Variants in ATP6V1H observed in about 807,000 individuals in gnomAD.
ATP6V1H encodes V-type proton ATPase subunit H.
Under a neutral mutation model 71.7 loss-of-function variants are expected in ATP6V1H, and 39 were observed. The ratio of observed to expected loss-of-function variants is 0.54; its 90% confidence interval spans 0.42 to 0.71. ATP6V1H has a LOEUF of 0.71. Ranked by LOEUF, ATP6V1H falls within the 30% of genes least tolerant of loss-of-function variation. ATP6V1H has a pLI of 0.00. For synonymous variants in ATP6V1H, 192 were observed against 199.3 expected, an observed-to-expected ratio of 0.96 and a Z score of 0.31; for missense variants, 509 against 594.9, an observed-to-expected ratio of 0.86 and a Z score of 1.50.
At chr8:53,717,208 T>C (rs1385628865) in intron 13 of ATP6V1H, among the ~76,000 whole-genome samples, 1 of 152,176 alleles carries the variant, frequency 6.6e-6, no homozygotes, top group African/African-American at 2.4e-5. Context: ...CCTGAGCTGC[T>C]CTCCCCCTGC....
intron 13 of ATP6V1H, among the ~76,000 whole-genome samples, chr8:53,738,312 T>C (rs879937683): frequency 1.5e-5 from 2 of 135,370 alleles, no homozygotes; most frequent in Non-Finnish European, 3.0e-5. Context: ...AAAAAAAAAA[T>C]GCGTGCACGT....
intron 1 of ATP6V1H, chr8:53,842,770 C>T (rs1181072783): frequency 6.6e-6 from 1 of 152,452 alleles, no homozygotes; most frequent in East Asian, 1.9e-4. Flanking sequence ...TGGCCCAGTC[C>T]TGGAGAAGGT....
chr8:53,743,502 G>A, intron 13 of ATP6V1H, 75 bp downstream of exon 13: 2 of 1,018,672 alleles, frequency 2.0e-6, no homozygotes, highest in Non-Finnish European at 3.0e-6. Context: ...CAAAGCATTT[G>A]CATAAGAACT....
chr8:53,726,962 C>A (rs535181718), intron 13 of ATP6V1H, among the ~76,000 whole-genome samples: 1 of 152,232 alleles, frequency 6.6e-6, no homozygotes, highest in African/African-American at 2.4e-5. Context: ...AACACTTATT[C>A]GGCATGAATT....
chr8:53,732,587 TAG>T (rs1807059556), intron 13 of ATP6V1H, among the ~76,000 whole-genome samples: 1 of 151,034 alleles, frequency 6.6e-6, no homozygotes. Context: ...CAAATTCCTT[TAG>T]AGTGACTCAT....
chr8:53,721,382 A>C (rs1002928910), intron 13 of ATP6V1H, among the ~76,000 whole-genome samples: 2 of 152,218 alleles, frequency 1.3e-5, no homozygotes, highest in East Asian at 1.9e-4. Flanking sequence ...TTCCAAGAGT[A>C]AGTACTATAT....
chr8:53,800,302 T>C (rs1646783895), intron 8 of ATP6V1H, among the ~76,000 whole-genome samples: 1 of 152,218 alleles, frequency 6.6e-6, no homozygotes, highest in Non-Finnish European at 1.5e-5. Flanking sequence ...TAGAACTATA[T>C]GCTATGTCTG....
At chr8:53,817,273 C>G in intron 5 of ATP6V1H, 144 bp downstream of exon 5, 1 of 412,520 alleles carries the variant, frequency 2.4e-6, no homozygotes, top group South Asian at 5.8e-5. Context: ...TGCAGTGGCT[C>G]ACACCTGTAA....
chr8:53,776,251 C>T (rs984688195), intron 9 of ATP6V1H, among the ~76,000 whole-genome samples: 4 of 152,196 alleles, frequency 2.6e-5, no homozygotes, highest in South Asian at 2.1e-4. Flanking sequence ...AAGCGCCGCA[C>T]GCAGCCCTAG....
In ATP6V1H at chr8:53,795,705, T is replaced by G. The variant is rs1185885042; in HGVS notation, c.812A>C (p.Asp271Ala). 1 of 1,613,788 alleles carries G rather than the reference T, an allele frequency of 6.2e-7. No homozygotes were observed. Among genetic ancestry groups the G allele is most frequent in the African/African-American group, 1.3e-5 (1 of 74,904 alleles). Reference protein sequence around the residue: ...RRYNIIPVLSDILQESVKEKV... With the variant: ...RRYNIIPVLSAILQESVKEKV... ...CTCTTTGACAGACTCCTGAAGGATATCAGACAGAACTGGAATGATATTATA... is the reference window on the plus strand; with the variant it reads ...CTCTTTGACAGACTCCTGAAGGATAGCAGACAGAACTGGAATGATATTATA... Residue 271 changes from aspartate to alanine, a missense_variant, in exon 9 of 14, where the codon GAT becomes GCT. Physicochemically the swap from Asp to Ala is moderately radical, Grantham distance 126. This residue lies in a region of ATP6V1H where 212 missense variants were observed against 291.6 expected (regional missense o/e 0.73). Transcript: ENST00000359530.
chr8:53,814,627 T>G, intron 6 of ATP6V1H, 35 bp downstream of exon 6: 1 of 1,143,162 alleles, frequency 8.7e-7, no homozygotes, highest in Non-Finnish European at 1.3e-6. Flanking sequence ...GATGTTATAT[T>G]CCTTTCAAAG....
chr8:53,773,034 C>G (rs911532077), intron 9 of ATP6V1H, among the ~76,000 whole-genome samples: 2 of 151,394 alleles, frequency 1.3e-5, no homozygotes, highest in African/African-American at 4.9e-5. Context: ...AGTGATTTAG[C>G]TTAGTATGTG....
At position 53,744,426 on chromosome 8, in the gene ATP6V1H, G is replaced by A. The variant is rs139170331; in HGVS notation, c.1278-736C>T. Among the ~76,000 whole-genome samples, 11 of 152,304 alleles carry A rather than the reference G, an allele frequency of 7.2e-5. No individual in the cohort carries two copies. In the South Asian group the frequency reaches 1.5e-3, roughly 20 times the overall value. On this transcript the variant is annotated intron_variant, in intron 12 of 13. Coordinates refer to ENST00000359530, the MANE Select transcript of ATP6V1H (RefSeq NM_015941.4). ...ATTGGTCCTCTGTTTCTTTGCAAAG[G>A]TGTGGTTACAGACAGAGCTGTGGAG...
At chr8:53,773,280 A>C (rs1808741474) in intron 9 of ATP6V1H, among the ~76,000 whole-genome samples, 1 of 152,244 alleles carries the variant, frequency 6.6e-6, no homozygotes, top group Non-Finnish European at 1.5e-5. Flanking sequence ...GAGTAGCAGC[A>C]ACAGTATAAA....
intron 2 of ATP6V1H, among the ~76,000 whole-genome samples, chr8:53,834,007 T>C (rs1468301798): frequency 6.6e-6 from 1 of 152,102 alleles, no homozygotes. Context: ...TCATACAATA[T>C]AGCAAACCCC....
At chr8:53,804,792 T>C (rs1189419451) in intron 7 of ATP6V1H, among the ~76,000 whole-genome samples, 4 of 152,244 alleles carry the variant, frequency 2.6e-5, no homozygotes, top group African/African-American at 9.6e-5. Flanking sequence ...TGCTACAACA[T>C]GCACTTTCTA....
chr8:53,815,992 G>A (rs999176936), intron 5 of ATP6V1H, among the ~76,000 whole-genome samples: 7 of 152,202 alleles, frequency 4.6e-5, no homozygotes, highest in African/African-American at 1.7e-4. Context: ...ATATTTGTCA[G>A]TTTTGTTGCT....
At chr8:53,824,625 T>G (rs1018785316) in intron 4 of ATP6V1H, among the ~76,000 whole-genome samples, 3 of 152,162 alleles carry the variant, frequency 2.0e-5, no homozygotes, top group African/African-American at 4.8e-5. Context: ...GGAAAAAAAG[T>G]CATTCAATTA....
At chr8:53,827,599 G>C (rs545932843) in intron 4 of ATP6V1H, among the ~76,000 whole-genome samples, 188 of 152,102 alleles carry the variant, frequency 1.2e-3, no homozygotes, top group Non-Finnish European at 1.9e-3. Flanking sequence ...TTTTTTGTGT[G>C]TATGTGTTTT....
Sources: allele counts gnomAD v4.1 joint callset (sites outside exome capture counted in the v4.1 genomes callset), GRCh38; gene constraint gnomAD v4.1.1; regional missense constraint gnomAD v4.1.1; transcripts MANE v1.5; gene names NCBI Gene and HGNC (gene_info 2026-07-23, HGNC 2026-07-21).